Variants in USP28 observed in about 807,000 individuals in gnomAD.
USP28 encodes the protein ubiquitin specific peptidase 28, also known as ubiquitin carboxyl-terminal hydrolase 28.
In USP28, 113 loss-of-function variants were observed where a neutral mutation model predicts 145.0. The observed-to-expected ratio is 0.78, with a 90% confidence interval of 0.67 to 0.91. USP28 has a LOEUF of 0.91. Among genes scored for constraint, USP28 ranks in the 40% least tolerant of loss-of-function variants. USP28 has a pLI of 0.00. For synonymous variants in USP28, 447 were observed against 450.9 expected, an observed-to-expected ratio of 0.99 and a Z score of 0.11; for missense variants, 1,201 against 1,289.6, an observed-to-expected ratio of 0.93 and a Z score of 1.05.
At chr11:113,851,777 TC>T (rs1443860633) in intron 3 of USP28, among the ~76,000 whole-genome samples, 1 of 138,502 alleles carries the variant, frequency 7.2e-6, no homozygotes, top group African/African-American at 2.8e-5. Flanking sequence ...AGAGTGAGAC[TC>T]CATCTCAAAA....
chr11:113,844,518 G>C (rs942997780), intron 3 of USP28, among the ~76,000 whole-genome samples: 1 of 151,956 alleles, frequency 6.6e-6, no homozygotes, highest in African/African-American at 2.4e-5. Flanking sequence ...TCTGATAAGA[G>C]ATCTACACAC....
chr11:113,854,128 TC>T (rs1485994770), intron 2 of USP28, 129 bp downstream of exon 2: 1 of 779,526 alleles, frequency 1.3e-6, no homozygotes, highest in Non-Finnish European at 2.1e-6. Context: ...ATTGGGTCAG[TC>T]ATTTGACCTG....
In USP28 at chr11:113,840,772, G is replaced by A. The variant is rs556763618; in HGVS notation, c.375-15C>T. 63 of 1,598,782 alleles carry A rather than the reference G, an allele frequency of 3.9e-5. 1 individual carries two copies. Among genetic ancestry groups the A allele is most frequent in the South Asian group, 5.6e-5 (5 of 88,812 alleles). ...CTTCATGCATCCTATATTGTGCAGC[G>A]TGCCACACAGCAAAAAAGAAAATAG... On this transcript the variant is annotated splice_polypyrimidine_tract_variant and intron_variant, in intron 4 of 24. Transcript: ENST00000003302.
chr11:113,869,698 C>T (rs1263329475), intron 1 of USP28, among the ~76,000 whole-genome samples: 1 of 152,166 alleles, frequency 6.6e-6, no homozygotes, highest in African/African-American at 2.4e-5. Context: ...TAGGGTGGTA[C>T]ATAGCATATG....
chr11:113,804,803 C>T, intron 20 of USP28, 52 bp from the exon 22 acceptor site: 1 of 1,611,628 alleles, frequency 6.2e-7, no homozygotes, highest in Non-Finnish European at 8.5e-7. Context: ...GCAAAACTTC[C>T]CCAACAGAGG....
At chr11:113,866,231 G>A (rs1948234490) in intron 1 of USP28, among the ~76,000 whole-genome samples, 1 of 152,184 alleles carries the variant, frequency 6.6e-6, no homozygotes, top group South Asian at 2.1e-4. Context: ...GGCAGAGGTT[G>A]CAGTGAGCCG....
intron 1 of USP28, among the ~76,000 whole-genome samples, chr11:113,872,945 A>G (rs1473406742): frequency 6.6e-6 from 1 of 152,236 alleles, no homozygotes. Flanking sequence ...TTTCAAGAGT[A>G]CTACATATTT....
At chr11:113,870,363 T>TA (rs1948695029) in intron 1 of USP28, among the ~76,000 whole-genome samples, 1 of 151,796 alleles carries the variant, frequency 6.6e-6, no homozygotes, top group South Asian at 2.1e-4. Context: ...CTCGTCTCTA[T>TA]AAAAAATTAA....
chr11:113,808,157 G>T, intron 18 of USP28, 21 bp from the exon 19 acceptor site: 1 of 1,518,130 alleles, frequency 6.6e-7, no homozygotes, highest in Non-Finnish European at 8.8e-7. Flanking sequence ...AGAGTGGGGA[G>T]AAAGAGTAAG....
At chr11:113,874,422 CGAAAAAA>C (rs1949159012) in intron 1 of USP28, 1 of 788,818 alleles carries the variant, frequency 1.3e-6, no homozygotes, top group Non-Finnish European at 1.6e-6. Context: ...GAGACTCTGT[CGAAAAAA>C]AAAAAAAAAA....
chr11:113,854,261 C>A (rs768395019), exon 2 of USP28: 1 of 1,613,816 alleles, frequency 6.2e-7, no homozygotes. Context: ...AACCAACCTT[C>A]AGAGCTTCAT....
intron 11 of USP28, among the ~76,000 whole-genome samples, chr11:113,825,929 T>C (rs1489303171): frequency 1.3e-5 from 2 of 152,148 alleles, no homozygotes; most frequent in African/African-American, 4.8e-5. Flanking sequence ...TATTTGACTG[T>C]ACATTTGTCA....
intron 19 of USP28, 34 bp from the exon 21 acceptor site, chr11:113,805,080 T>G (rs1326078409): frequency 1.2e-6 from 2 of 1,604,514 alleles, no homozygotes; most frequent in Non-Finnish European, 1.7e-6. Flanking sequence ...TAGAAAATAG[T>G]GTGCTGTGGG....
chr11:113,826,795 T>C (rs1453323709), intron 11 of USP28, among the ~76,000 whole-genome samples: 2 of 151,570 alleles, frequency 1.3e-5, no homozygotes, highest in Non-Finnish European at 2.9e-5. Context: ...GGTGCATGCC[T>C]GTAATTCCAG....
At chr11:113,849,377 C>CAAAGAAGGT (rs1422096165) in intron 3 of USP28, among the ~76,000 whole-genome samples, 1 of 152,140 alleles carries the variant, frequency 6.6e-6, no homozygotes, top group Non-Finnish European at 1.5e-5. Flanking sequence ...CCAATGGGAT[C>CAAAGAAGGT]AAAGAAGGTA....
chr11:113,821,998 C>G (rs1434187019), intron 12 of USP28: 1 of 152,106 alleles, frequency 6.6e-6, no homozygotes, highest in East Asian at 1.9e-4. Context: ...TATTTTAAAA[C>G]AAAAGTATTA....
At chr11:113,840,382 C>A (rs1945064135) in intron 5 of USP28, among the ~76,000 whole-genome samples, 1 of 152,196 alleles carries the variant, frequency 6.6e-6, no homozygotes, top group African/African-American at 2.4e-5. Flanking sequence ...TTATCCAAAA[C>A]ACCTATTCAA....
intron 14 of USP28, among the ~76,000 whole-genome samples, chr11:113,814,580 TCA>T (rs1004608336): frequency 2.6e-5 from 4 of 151,924 alleles, no homozygotes; most frequent in African/African-American, 4.9e-5. Context: ...AAGCTGGAGT[TCA>T]GATAATCTAC....
intron 1 of USP28, among the ~76,000 whole-genome samples, chr11:113,864,961 C>A (rs1372009474): frequency 6.6e-6 from 1 of 152,092 alleles, no homozygotes; most frequent in Non-Finnish European, 1.5e-5. Flanking sequence ...CTCAGCCTCC[C>A]AAGTAGGTGG....
Sources: gnomAD v4.1 joint callset for allele counts (sites outside exome capture counted in the v4.1 genomes callset) on GRCh38, gnomAD v4.1.1 for gene constraint, MANE v1.5 for transcripts, NCBI Gene and HGNC (gene_info 2026-07-23, HGNC 2026-07-21) for gene names.